FHOD3: variants seen among roughly 807,000 people sequenced by gnomAD.
FHOD3 encodes FH1/FH2 domain-containing protein 3.
In FHOD3, 90 loss-of-function variants were observed where a neutral mutation model predicts 173.0. The observed-to-expected ratio is 0.52, with a 90% CI of 0.44 to 0.62. FHOD3 has a LOEUF of 0.62. Ranked by LOEUF, FHOD3 falls within the 20% of genes least tolerant of loss-of-function variation. The pLI is 0.00. For synonymous variants in FHOD3, 828 were observed against 823.0 expected (o/e 1.01, Z -0.10); for missense variants, 1,945 against 2,034.7 (o/e 0.96, Z 0.85).
chr18:36,513,424 G>A (rs552739029), intron 5 of FHOD3, among the ~76,000 whole-genome samples: 16 of 152,290 alleles, frequency 1.1e-4, no homozygotes, highest in Non-Finnish European at 2.1e-4. Context: ...CATGTCAGGC[G>A]GGTCAGGGTT....
intron 4 of FHOD3, among the ~76,000 whole-genome samples, chr18:36,511,126 T>C (rs1462250572): frequency 6.6e-6 from 1 of 152,252 alleles, no homozygotes; most frequent in Non-Finnish European, 1.5e-5. Context: ...CATTATTCCA[T>C]TGAGCTTTCT....
chr18:36,436,606 TGA>T (rs1472302752), intron 3 of FHOD3, among the ~76,000 whole-genome samples: 1 of 152,224 alleles, frequency 6.6e-6, no homozygotes, highest in African/African-American at 2.4e-5. Context: ...TGCACATCTA[TGA>T]AACATTGTCA....
chr18:36,299,750 G>A (rs1193640332), intron 1 of FHOD3, among the ~76,000 whole-genome samples: 3 of 152,148 alleles, frequency 2.0e-5, no homozygotes, highest in African/African-American at 7.2e-5. Flanking sequence ...TGTCCCTTAT[G>A]GAATGAACAG....
chr18:36,339,877 G>T (rs1374258154), intron 1 of FHOD3, among the ~76,000 whole-genome samples: 4 of 152,178 alleles, frequency 2.6e-5, no homozygotes, highest in Admixed American at 2.6e-4. Flanking sequence ...TTGAACATTA[G>T]GCCCCACATT....
intron 3 of FHOD3, among the ~76,000 whole-genome samples, chr18:36,437,105 T>A (rs1180984349): frequency 6.6e-6 from 1 of 152,156 alleles, no homozygotes; most frequent in Non-Finnish European, 1.5e-5. Context: ...GAGTATTAGC[T>A]TTTTTGCTTT....
At chr18:36,443,262 A>G (rs1024698609) in intron 3 of FHOD3, among the ~76,000 whole-genome samples, 2 of 152,136 alleles carry the variant, frequency 1.3e-5, no homozygotes, top group Non-Finnish European at 2.9e-5. Context: ...TCATTACTGT[A>G]GTGTTTGCCA....
At chr18:36,476,541 GC>G (rs1435490617) in intron 3 of FHOD3, among the ~76,000 whole-genome samples, 2 of 152,156 alleles carry the variant, frequency 1.3e-5, no homozygotes, top group African/African-American at 2.4e-5. Context: ...CTGTCTTTTG[GC>G]CCCCCATAGT....
chr18:36,777,038 T>C (rs1056324550), intron 28 of FHOD3, among the ~76,000 whole-genome samples: 6 of 152,172 alleles, frequency 3.9e-5, no homozygotes, highest in African/African-American at 2.4e-5. Context: ...TTTAAATACC[T>C]TCATGGGTAA....
intron 10 of FHOD3, among the ~76,000 whole-genome samples, chr18:36,627,783 T>A (rs74338513): frequency 0.026 from 3,884 of 152,244 alleles, 171 homozygotes; most frequent in African/African-American, 0.09. Context: ...GGTGAAATGC[T>A]GATTGGGAAA....
intron 28 of FHOD3, 49 bp from the exon 29 acceptor site, chr18:36,779,399 C>T (rs371756553): frequency 2.5e-6 from 4 of 1,576,178 alleles, no homozygotes; most frequent in Non-Finnish European, 3.5e-6. Flanking sequence ...GCTGCTCATA[C>T]TTCCTTTTCT....
chr18:36,712,891 T>C (rs966602534), intron 18 of FHOD3, among the ~76,000 whole-genome samples: 8 of 151,318 alleles, frequency 5.3e-5, no homozygotes, highest in Non-Finnish European at 1.2e-4. Flanking sequence ...ACATATTACC[T>C]ATAGGGGAAC....
At chr18:36,715,808 G>A (rs1024586241) in intron 18 of FHOD3, among the ~76,000 whole-genome samples, 1 of 152,224 alleles carries the variant, frequency 6.6e-6, no homozygotes, top group Non-Finnish European at 1.5e-5. Flanking sequence ...CTAGTGGTCA[G>A]GGAAGACTTC....
chr18:36,368,545 A>G (rs1441831831), intron 2 of FHOD3, among the ~76,000 whole-genome samples: 1 of 152,162 alleles, frequency 6.6e-6, no homozygotes, highest in African/African-American at 2.4e-5. Flanking sequence ...GTGTGACTTC[A>G]GCTCCATTGC....
intron 14 of FHOD3, 102 bp downstream of exon 14, chr18:36,658,290 T>C (rs1340702340): frequency 2.7e-6 from 2 of 746,328 alleles, no homozygotes; most frequent in Non-Finnish European, 4.3e-6. Context: ...AGACATAACA[T>C]GAAGTATTTT....
At chr18:36,556,228 C>T (rs2057877935) in intron 5 of FHOD3, among the ~76,000 whole-genome samples, 1 of 151,824 alleles carries the variant, frequency 6.6e-6, no homozygotes, top group Non-Finnish European at 1.5e-5. Context: ...TACAGTTGAC[C>T]CTTGAACAAT....
At chr18:36,539,071 A>C (rs1218112112) in intron 5 of FHOD3, among the ~76,000 whole-genome samples, 3 of 152,246 alleles carry the variant, frequency 2.0e-5, no homozygotes, top group Non-Finnish European at 4.4e-5. Flanking sequence ...ATCAGTACGC[A>C]TCTTATGTTG....
At position 36,334,855 on chromosome 18, in the gene FHOD3, T is replaced by C. The variant is rs191481871; in HGVS notation, c.166-20684T>C. Among the ~76,000 whole-genome samples, 11 of 152,336 alleles carry C rather than the reference T, an allele frequency of 7.2e-5. No homozygotes were observed. In the East Asian group the frequency reaches 2.1e-3, roughly 29 times the overall value. ...TAGAGGGAAAGAGGGAATCGTCCTG[T>C]CTGCCCCTCTGGCCCAAAGATAGGG... On this transcript the variant is annotated intron_variant, in intron 1 of 28. Coordinates refer to ENST00000590592, the MANE Select transcript of FHOD3 (RefSeq NM_001281740.3).
chr18:36,661,403 A>G (rs1044938500), intron 14 of FHOD3, among the ~76,000 whole-genome samples: 16 of 152,288 alleles, frequency 1.1e-4, no homozygotes, highest in Middle Eastern at 6.8e-3. Flanking sequence ...TTATATATAC[A>G]TATATTATTA....
rs1410671750 is a variant in FHOD3 at position 36,355,618 on chromosome 18, A to G, written c.245A>G (p.Glu82Gly). 6.2e-7 allele frequency: 1 copy of G among 1,614,010 alleles called. No individual in the cohort carries two copies. The highest frequency in any genetic ancestry group is 1.3e-5 in the African/African-American group (1 of 74,916). ...GCCACCCTGGCAGAGCAGCGGGATG[A>G]GTTGGAAGGCTTCCAGGATGACGCC... is the stretch of plus-strand genomic sequence containing the variant. ...LEATLAEQRDELEGFQDDAGR... is the reference protein window; with the variant it reads ...LEATLAEQRDGLEGFQDDAGR... Residue 82 changes from glutamate (E) to glycine (G), a missense_variant, in exon 2 of 29, where the codon GAG becomes GGG. Physicochemically the swap from Glu to Gly is moderately conservative, Grantham distance 98 (BLOSUM62 -2). Transcript: ENST00000590592.
Sources: gnomAD v4.1 joint callset for allele counts (sites outside exome capture counted in the v4.1 genomes callset) on GRCh38, gnomAD v4.1.1 for gene constraint, MANE v1.5 for transcripts, NCBI Gene and HGNC (gene_info 2026-07-23, HGNC 2026-07-21) for gene names.